RAD21: variants seen among roughly 807,000 people sequenced by gnomAD.
RAD21 encodes double-strand-break repair protein rad21 homolog.
In RAD21, 18 loss-of-function variants were observed where a neutral mutation model predicts 71.5. That is an observed-to-expected ratio of 0.25 (90% CI 0.17 to 0.37). The LOEUF (loss-of-function observed/expected upper bound fraction) is 0.37, where lower values mean the gene tolerates loss of function less well. Among genes scored for constraint, RAD21 ranks in the 10% least tolerant of loss-of-function variants. The probability of loss-of-function intolerance (pLI) is 1.00; values close to 1 mark genes in which losing one functional copy is unlikely to be tolerated. For missense variants in RAD21, 493 were observed against 769.1 expected (o/e 0.64, Z 4.25); for synonymous variants, 248 against 254.0 (o/e 0.98, Z 0.22).
chr8:116,868,481 AT>A (rs766266426), intron 1 of RAD21, among the ~76,000 whole-genome samples: 14 of 152,326 alleles, frequency 9.2e-5, no homozygotes, highest in Middle Eastern at 6.8e-3. Context: ...TTTGGTGAAC[AT>A]TAAGTTTTCA....
chr8:116,855,387 G>A (rs1290353938), intron 8 of RAD21, among the ~76,000 whole-genome samples: 3 of 152,062 alleles, frequency 2.0e-5, no homozygotes, highest in Admixed American at 6.5e-5. Context: ...CAAATTGTCT[G>A]TCATTCAGAA....
At chr8:116,858,316 T>C in intron 5 of RAD21, 36 bp downstream of exon 5, 1 of 1,480,430 alleles carries the variant, frequency 6.8e-7, no homozygotes, top group Middle Eastern at 1.9e-4. Flanking sequence ...CAATATAACA[T>C]TATAATTAAT....
At position 116,856,700 on chromosome 8, in the gene RAD21, T is replaced by C; in HGVS notation, c.760A>G (p.Met254Val). 6.3e-7 allele frequency: 1 copy of C among 1,594,134 alleles called. No individual in the cohort carries two copies. Among genetic ancestry groups the C allele is most frequent in the Non-Finnish European group, 8.5e-7 (1 of 1,169,776 alleles). ...TCATGTGCAGGCTGCTCTGGCAACA[T>C]CACCCCTGCCTCAGAGAGGGCAGGG... ...DPPALSEAGVMLPEQPAHDDM... is the reference protein window; with the variant it reads ...DPPALSEAGVVLPEQPAHDDM... Residue 254 changes from methionine to valine, a missense_variant, in exon 7 of 14, where the codon ATG (methionine) becomes GTG (valine). This residue lies in a region of RAD21 where 165 missense variants were observed against 229.6 expected (regional missense o/e 0.72). Coordinates refer to ENST00000297338, the MANE Select transcript of RAD21 (RefSeq NM_006265.3).
At position 116,867,515 on chromosome 8, in the gene RAD21, T is replaced by C. The variant is rs16889059; in HGVS notation, c.-32-754A>G. 3.2e-3 allele frequency among the ~76,000 whole-genome samples: 487 copies of C among 152,296 alleles called. 2 individuals carry two copies. Among genetic ancestry groups the C allele is most frequent in the Non-Finnish European group, 5.7e-3 (389 of 68,014 alleles). ...ACTCTAATGTATTAAGAAAGGCCGC[T>C]TGAAAACCCCAGTTCAGAAGAGTAC... On this transcript the variant is annotated intron_variant, in intron 1 of 13. Transcript: ENST00000297338.
In RAD21 at chr8:116,863,116, A is replaced by G. The variant is rs781143058; in HGVS notation, c.274+14T>C. On this transcript the variant is annotated intron_variant, in intron 3 of 13. Transcript: ENST00000297338. ...TAAACAACAACAACAAAAACCAAAC[A>G]AGTTTAACAATACCTGGCCGAAAAG... 6.3e-7 allele frequency: 1 copy of G among 1,590,532 alleles called. No individual in the cohort carries two copies. The highest frequency in any genetic ancestry group is 1.7e-5 in the Admixed American group (1 of 58,096).
At chr8:116,856,093 C>G in intron 8 of RAD21, 73 bp downstream of exon 8, 1 of 1,506,866 alleles carries the variant, frequency 6.6e-7, no homozygotes, top group Non-Finnish European at 9.0e-7. Flanking sequence ...AGTAGCAGAT[C>G]AGTAGACAGG....
At position 116,850,776 on chromosome 8, in the gene RAD21, A is replaced by G. The variant is rs763912364; in HGVS notation, c.1471-9T>C. ...TGCTCTACCTGCTGAGGCTTAAAGCAATACAAATAAGACAATTTAAGATAT... is the reference window on the plus strand; with the variant it reads ...TGCTCTACCTGCTGAGGCTTAAAGCGATACAAATAAGACAATTTAAGATAT... On this transcript the variant is annotated splice_polypyrimidine_tract_variant and intron_variant, in intron 11 of 13. Transcript: ENST00000297338. The G allele has an allele frequency of 7.8e-6, 12 of 1,536,344 alleles. No homozygotes were observed. In the East Asian group the frequency reaches 2.7e-4, roughly 35 times the overall value.
chr8:116,856,035 A>T, intron 8 of RAD21, 131 bp downstream of exon 8: 1 of 1,018,208 alleles, frequency 9.8e-7, no homozygotes, highest in Non-Finnish European at 1.4e-6. Flanking sequence ...ATCAGTAGAC[A>T]GGCCAAAAAA....
intron 7 of RAD21, 66 bp downstream of exon 7, chr8:116,856,579 TC>T: frequency 6.8e-7 from 1 of 1,477,070 alleles, no homozygotes; most frequent in South Asian, 1.4e-5. Context: ...TTTGTCATCT[TC>T]TATGGTAAGT....
At chr8:116,847,778 C>T in intron 13 of RAD21, 87 bp from the exon 14 acceptor site, 1 of 1,215,466 alleles carries the variant, frequency 8.2e-7, no homozygotes, top group East Asian at 2.5e-5. Flanking sequence ...AATATTTGTC[C>T]CCTCCAAATC....
chr8:116,851,907 A>G, intron 11 of RAD21, 41 bp downstream of exon 11: 2 of 1,572,578 alleles, frequency 1.3e-6, no homozygotes, highest in African/African-American at 1.3e-5. Context: ...TGACTGTATG[A>G]ATACCTTCAA....
chr8:116,855,212 C>G (rs1238553984), intron 8 of RAD21, among the ~76,000 whole-genome samples: 1 of 152,078 alleles, frequency 6.6e-6, no homozygotes, highest in Non-Finnish European at 1.5e-5. Flanking sequence ...ATATATTTTA[C>G]TTAATTGCCC....
At chr8:116,864,328 A>G (rs1341826551) in intron 2 of RAD21, among the ~76,000 whole-genome samples, 4 of 152,154 alleles carry the variant, frequency 2.6e-5, no homozygotes, top group African/African-American at 9.7e-5. Flanking sequence ...CATTTGCTTA[A>G]TGTTTAAATT....
intron 1 of RAD21, among the ~76,000 whole-genome samples, chr8:116,868,248 A>G (rs903501988): frequency 6.6e-6 from 1 of 152,172 alleles, no homozygotes; most frequent in Non-Finnish European, 1.5e-5. Flanking sequence ...AATGAATCAT[A>G]TGGTATGTGA....
chr8:116,853,240 G>C (rs1386195377), intron 9 of RAD21, among the ~76,000 whole-genome samples: 1 of 151,994 alleles, frequency 6.6e-6, no homozygotes, highest in Non-Finnish European at 1.5e-5. Flanking sequence ...CACCACACAC[G>C]GCTAATTTTT....
intron 9 of RAD21, 100 bp from the exon 10 acceptor site, chr8:116,852,808 TAA>T (rs911814679): frequency 7.9e-5 from 67 of 852,936 alleles, no homozygotes; most frequent in Admixed American, 2.7e-4. Context: ...CTAATAAATA[TAA>T]GTGTATAATT....
At chr8:116,852,733 A>T (rs1812379249) in intron 9 of RAD21, 25 bp from the exon 10 acceptor site, 1 of 1,422,344 alleles carries the variant, frequency 7.0e-7, no homozygotes, top group East Asian at 2.6e-5. Context: ...AAAAAGAAAA[A>T]TTTCAATTAT....
intron 1 of RAD21, among the ~76,000 whole-genome samples, chr8:116,870,194 T>C (rs1459044306): frequency 6.6e-6 from 1 of 152,160 alleles, no homozygotes; most frequent in African/African-American, 2.4e-5. Context: ...GTCAACTGTC[T>C]AATGTTGTAA....
In RAD21 at chr8:116,846,556, C is replaced by A. The variant is rs1586259693; in HGVS notation, c.*944G>T. On this transcript the variant is annotated 3_prime_UTR_variant, in exon 14 of 14. Transcript: ENST00000297338. The stretch of plus-strand genomic sequence containing the variant: ...AAAAGGAGATCAGTACTAAAACTTA[C>A]AATAAATATCAGAGAAGCCGTTAGT... 8.7e-6 allele frequency: 2 copies of A among 228,676 alleles called. No individual in the cohort carries two copies. 14.2% of individuals were successfully genotyped at this position (228,676 alleles called of 1,614,324 possible).
Sources: allele counts gnomAD v4.1 joint callset (sites outside exome capture counted in the v4.1 genomes callset), GRCh38; gene constraint gnomAD v4.1.1; regional missense constraint gnomAD v4.1.1; transcripts MANE v1.5; gene names NCBI Gene and HGNC (gene_info 2026-07-23, HGNC 2026-07-21).